MEGF11: variants seen among roughly 807,000 people sequenced by gnomAD.
The protein encoded by MEGF11 is multiple epidermal growth factor-like domains protein 11.
A neutral mutation model predicts 146.6 loss-of-function variants in MEGF11; 126 were observed. That is an observed-to-expected ratio of 0.86 (90% confidence interval 0.74 to 1.00). The LOEUF (loss-of-function observed/expected upper bound fraction) is 1.00. Ranked by LOEUF, MEGF11 falls within the 50% of genes least tolerant of loss-of-function variation. The probability of loss-of-function intolerance (pLI) is 0.00; values close to 1 mark genes in which losing one functional copy is unlikely to be tolerated. For synonymous variants in MEGF11, 532 were observed against 583.4 expected, an observed-to-expected ratio of 0.91 and a Z score of 1.27; for missense variants, 1,509 against 1,521.2, an observed-to-expected ratio of 0.99 and a Z score of 0.13.
intron 5 of MEGF11, among the ~76,000 whole-genome samples, chr15:66,004,233 C>T (rs908165736): frequency 3.9e-5 from 6 of 152,244 alleles, no homozygotes; most frequent in African/African-American, 1.2e-4. Context: ...AAGTCCTCCC[C>T]CTAGACCTTG....
chr15:66,034,592 G>C (rs2083655264), intron 5 of MEGF11, among the ~76,000 whole-genome samples: 1 of 151,878 alleles, frequency 6.6e-6, no homozygotes, highest in Admixed American at 6.6e-5. Context: ...GCTAATTTTT[G>C]TATTTTTTGT....
chr15:66,074,851 TG>T (rs34252915), intron 5 of MEGF11, among the ~76,000 whole-genome samples: 2 of 152,186 alleles, frequency 1.3e-5, no homozygotes. Flanking sequence ...CTCAATCTGT[TG>T]GGGGTCATAG....
chr15:66,083,642 A>C (rs2085986347), intron 5 of MEGF11, among the ~76,000 whole-genome samples: 1 of 152,172 alleles, frequency 6.6e-6, no homozygotes, highest in Non-Finnish European at 1.5e-5. Flanking sequence ...CATAAAAAAA[A>C]AAAACTTTTA....
At chr15:65,905,616 CTT>C (rs2078602861) in intron 24 of MEGF11, 1 of 152,628 alleles carries the variant, frequency 6.6e-6, no homozygotes, top group Admixed American at 6.5e-5. Flanking sequence ...GCAGAGATCT[CTT>C]GAGGTTGGAG....
intron 10 of MEGF11, among the ~76,000 whole-genome samples, chr15:65,947,239 T>G (rs2080226796): frequency 6.6e-6 from 1 of 151,840 alleles, no homozygotes; most frequent in Non-Finnish European, 1.5e-5. Context: ...TCGGCACTAA[T>G]GACTAAGGGA....
chr15:65,968,291 C>G (rs1393562415), intron 8 of MEGF11, among the ~76,000 whole-genome samples: 2 of 152,180 alleles, frequency 1.3e-5, no homozygotes, highest in African/African-American at 4.8e-5. Context: ...GTTCAGCCTG[C>G]AAATGGATTT....
chr15:66,032,629 C>G (rs1451173313), intron 5 of MEGF11, among the ~76,000 whole-genome samples: 4 of 152,220 alleles, frequency 2.6e-5, no homozygotes, highest in African/African-American at 9.6e-5. Context: ...CAAAGGCCAT[C>G]CTTGTTATAA....
intron 1 of MEGF11, among the ~76,000 whole-genome samples, chr15:66,233,134 A>G (rs1236826085): frequency 6.6e-6 from 1 of 152,184 alleles, no homozygotes; most frequent in Non-Finnish European, 1.5e-5. Context: ...TGTTCATAAT[A>G]CCAGCACCTA....
chr15:66,035,345 C>T (rs2083689391), intron 5 of MEGF11, among the ~76,000 whole-genome samples: 1 of 152,200 alleles, frequency 6.6e-6, no homozygotes, highest in African/African-American at 2.4e-5. Context: ...GCTTAAACTC[C>T]TCAGTGTTGC....
chr15:66,237,406 C>T lies in MEGF11; in HGVS notation c.-9+16199G>A, dbSNP rs371059142. On this transcript the variant is annotated intron_variant, in intron 1 of 25. Transcript: ENST00000395614. ...TCACCATTTCACCTCCAAATAAGGA[C>T]GTCAGCAGCATGTTTTAGTGCCTAA... 7.9e-5 allele frequency among the ~76,000 whole-genome samples: 12 copies of T among 152,324 alleles called. No homozygotes were observed. In the South Asian group the frequency reaches 1.4e-3, roughly 18 times the overall value.
chr15:65,979,666 T>C (rs2081566716), intron 7 of MEGF11, among the ~76,000 whole-genome samples: 1 of 152,160 alleles, frequency 6.6e-6, no homozygotes, highest in African/African-American at 2.4e-5. Context: ...GCAGGGTATG[T>C]TGGCTAAAAG....
chr15:66,148,906 G>C (rs1005326003), intron 1 of MEGF11, among the ~76,000 whole-genome samples: 6 of 152,206 alleles, frequency 3.9e-5, no homozygotes, highest in Non-Finnish European at 8.8e-5. Context: ...TCCTGGACAT[G>C]GCTCTGCCAT....
At chr15:66,066,414 G>C (rs2085127495) in intron 5 of MEGF11, among the ~76,000 whole-genome samples, 3 of 152,228 alleles carry the variant, frequency 2.0e-5, no homozygotes, top group Admixed American at 2.0e-4. Context: ...AAGCCCAGGG[G>C]GAATCTATAG....
intron 10 of MEGF11, among the ~76,000 whole-genome samples, chr15:65,951,763 C>T (rs1458578871): frequency 1.3e-5 from 2 of 152,138 alleles, no homozygotes; most frequent in Non-Finnish European, 2.9e-5. Context: ...TATTTTAAGC[C>T]TAAGATGAGA....
chr15:65,982,134 T>G lies in MEGF11; in HGVS notation c.641+108A>C. On this transcript the variant is annotated intron_variant, in intron 6 of 25. Transcript: ENST00000395614. This position sits in a 1 kb window ranked among gnomAD's most constrained non-coding sequence, Gnocchi z 5.6. ...GTGCAGCTGCGGTGAGGGCAGCCAC[T>G]CCAGGCCCCGCCCCAGCCCCTCCAC... is the stretch of plus-strand genomic sequence containing the variant. The G allele has an allele frequency of 4.1e-6, 5 of 1,224,784 alleles. No individual in the cohort carries two copies. The highest frequency in any genetic ancestry group is 5.3e-6 in the Non-Finnish European group (5 of 951,446). The allele number at this position is 1,224,784 out of a possible 1,614,324, so 75.9% of individuals were successfully genotyped here. A position where few individuals can be genotyped will look rare whatever the true frequency, so the allele number is the denominator to read the frequency against.
At chr15:66,088,655 C>A (rs2086207473) in intron 5 of MEGF11, among the ~76,000 whole-genome samples, 2 of 146,150 alleles carry the variant, frequency 1.4e-5, no homozygotes, top group Non-Finnish European at 1.5e-5. Context: ...ACTTCATTCT[C>A]AAAAAAAAAA....
intron 1 of MEGF11, among the ~76,000 whole-genome samples, chr15:66,213,957 G>T (rs1453252980): frequency 6.6e-6 from 1 of 151,298 alleles, no homozygotes; most frequent in Non-Finnish European, 1.5e-5. Context: ...CCTTGGTAAG[G>T]ATATGGCCGC....
intron 4 of MEGF11, among the ~76,000 whole-genome samples, chr15:66,116,438 T>C (rs1472695066): frequency 1.3e-5 from 2 of 152,162 alleles, no homozygotes; most frequent in East Asian, 3.8e-4. Context: ...GTACACCCTG[T>C]AGCATACTCT....
intron 1 of MEGF11, among the ~76,000 whole-genome samples, chr15:66,189,992 T>C (rs1376317951): frequency 6.6e-6 from 1 of 152,036 alleles, no homozygotes; most frequent in Non-Finnish European, 1.5e-5. Context: ...AAAAAATAAA[T>C]TGTATAAAGC....
Sources: allele counts gnomAD v4.1 joint callset (sites outside exome capture counted in the v4.1 genomes callset), GRCh38; gene constraint gnomAD v4.1.1; non-coding constraint Gnocchi (gnomAD v3.1); transcripts MANE v1.5; gene names NCBI Gene and HGNC (gene_info 2026-07-23, HGNC 2026-07-21).